Variants in EZR observed in about 807,000 individuals in gnomAD.
The protein encoded by EZR is ezrin, also known as cytovillin 2.
A neutral mutation model predicts 74.8 loss-of-function variants in EZR; 40 were observed. The ratio of observed to expected loss-of-function variants is 0.53; its 90% CI spans 0.42 to 0.70. The LOEUF (loss-of-function observed/expected upper bound fraction) is 0.70, where lower values mean the gene tolerates loss of function less well. EZR is among the 30% of genes least tolerant of loss of function. The pLI, the probability that EZR is intolerant of heterozygous loss-of-function variation, is 0.00. For synonymous variants in EZR, 341 were observed against 283.3 expected, an observed-to-expected ratio of 1.20 and a Z score of -2.05; for missense variants, 678 against 755.8, an observed-to-expected ratio of 0.90 and a Z score of 1.21.
At chr6:158,811,438 C>T (rs923679637) in intron 2 of EZR, among the ~76,000 whole-genome samples, 3 of 151,732 alleles carry the variant, frequency 2.0e-5, no homozygotes, top group African/African-American at 7.3e-5. Flanking sequence ...TATATCAAAC[C>T]ACCCTAAGAA....
chr6:158,768,508 C>G (rs1298761844), intron 12 of EZR, among the ~76,000 whole-genome samples: 2 of 152,130 alleles, frequency 1.3e-5, no homozygotes, highest in East Asian at 3.9e-4. Context: ...AAGGCACCTC[C>G]ACAGATGGAG....
Position 158,787,143 on chromosome 6 carries a change from T to C in EZR, c.157A>G (p.Lys53Glu). Residue 53 changes from lysine (K) to glutamate (E), a missense_variant, in exon 4 of 14, where the codon AAA becomes GAA. By Grantham distance (56) the Lys-to-Glu change is moderately conservative. Transcript: ENST00000367075. ...WYFGLHYVDN[K>E]GFPTWLKLDK... ...AGCTTCAGCCAGGTAGGAAATCCTT[T>C]ATTATCCACATAGTGGAGGCCAAAG... 1 of 1,613,628 alleles carries C rather than the reference T, an allele frequency of 6.2e-7. No individual in the cohort carries two copies. The highest frequency in any genetic ancestry group is 8.5e-7 in the Non-Finnish European group (1 of 1,179,532).
intron 8 of EZR, among the ~76,000 whole-genome samples, 188 bp from the exon 9 acceptor site, chr6:158,771,595 G>A (rs1306675082): frequency 1.3e-5 from 2 of 152,188 alleles, no homozygotes; most frequent in African/African-American, 4.8e-5. Context: ...CCGCGTGTGT[G>A]TGCGGTTATG....
intron 2 of EZR, among the ~76,000 whole-genome samples, chr6:158,804,070 C>T (rs1562504935): frequency 6.6e-6 from 1 of 152,150 alleles, no homozygotes; most frequent in Non-Finnish European, 1.5e-5. Context: ...CAAGCCTGCA[C>T]TGCCGAGTAA....
intron 2 of EZR, among the ~76,000 whole-genome samples, chr6:158,791,988 G>T (rs1424281746): frequency 1.3e-5 from 2 of 151,962 alleles, no homozygotes; most frequent in Non-Finnish European, 2.9e-5. Context: ...GATTACAGGC[G>T]TGAGCCACCG....
intron 7 of EZR, among the ~76,000 whole-genome samples, chr6:158,781,312 G>C (rs1791426147): frequency 1.3e-5 from 2 of 152,166 alleles, no homozygotes; most frequent in South Asian, 4.1e-4. Context: ...TTCAGGAATG[G>C]GGAGAAGAGA....
At chr6:158,786,230 C>T (rs879796421) in intron 4 of EZR, among the ~76,000 whole-genome samples, 6 of 152,022 alleles carry the variant, frequency 3.9e-5, no homozygotes, top group South Asian at 2.1e-4. Flanking sequence ...AAAAATTAGC[C>T]GGGCATGATG....
At chr6:158,802,097 G>A (rs775923624) in intron 2 of EZR, among the ~76,000 whole-genome samples, 20 of 151,720 alleles carry the variant, frequency 1.3e-4, no homozygotes, top group Non-Finnish European at 2.2e-4. Context: ...CCTTTAGATT[G>A]AAACAATCTG....
rs558483160 is a variant in EZR at position 158,776,397 on chromosome 6, T to C, written c.795+11A>G. On this transcript the variant is annotated intron_variant, in intron 8 of 13. Transcript: ENST00000367075. ...AACAGTAGCCCCTGAATAGAATCCT[T>C]TGGAACTTACAGGTGCCTTCTTGTC... 2 of 1,604,038 alleles carry C rather than the reference T, an allele frequency of 1.2e-6. No individual in the cohort carries two copies. Among genetic ancestry groups the C allele is most frequent in the African/African-American group, 2.7e-5 (2 of 74,820 alleles).
intron 2 of EZR, among the ~76,000 whole-genome samples, chr6:158,809,459 A>C (rs1225455417): frequency 6.6e-6 from 1 of 152,214 alleles, no homozygotes; most frequent in Non-Finnish European, 1.5e-5. Context: ...ATAGCTTAGC[A>C]AGTGTGACAC....
chr6:158,810,077 G>A (rs1301501439), intron 2 of EZR, among the ~76,000 whole-genome samples: 1 of 152,090 alleles, frequency 6.6e-6, no homozygotes, highest in African/African-American at 2.4e-5. Context: ...AAAAATATGA[G>A]CAAAATCTGA....
At chr6:158,815,009 G>C (rs1371559555) in intron 2 of EZR, among the ~76,000 whole-genome samples, 1 of 152,204 alleles carries the variant, frequency 6.6e-6, no homozygotes, top group Non-Finnish European at 1.5e-5. Flanking sequence ...CAGTTGCAAT[G>C]AATCAGGTGG....
At chr6:158,790,353 T>G (rs1791705609) in intron 2 of EZR, among the ~76,000 whole-genome samples, 1 of 152,192 alleles carries the variant, frequency 6.6e-6, no homozygotes, top group East Asian at 1.9e-4. Flanking sequence ...AAAATATTTC[T>G]AATGTTGCCA....
chr6:158,781,990 C>T (rs886107966), intron 7 of EZR, among the ~76,000 whole-genome samples: 4 of 152,190 alleles, frequency 2.6e-5, no homozygotes, highest in Non-Finnish European at 5.9e-5. Context: ...GACTCCTGAG[C>T]TCAAGGGATT....
chr6:158,789,255 A>T lies in EZR; in HGVS notation c.96+33T>A, dbSNP rs1205501333. 2.6e-6 allele frequency: 4 copies of T among 1,516,052 alleles called. No homozygotes were observed. The Admixed American group carries it at 5.6e-5, about 21-fold the overall frequency. 93.9% of individuals were successfully genotyped at this position (1,516,052 alleles called of 1,614,324 possible). On this transcript the variant is annotated intron_variant, in intron 3 of 13. Transcript: ENST00000367075. ...ATGTTGCAAAACAGTTTTTTTTTGT[A>T]GGTGGAGTTAACTCTCAAGTTCAGA...
intron 2 of EZR, among the ~76,000 whole-genome samples, chr6:158,817,077 T>C (rs777406497): frequency 6.6e-6 from 1 of 151,948 alleles, no homozygotes; most frequent in African/African-American, 2.4e-5. Flanking sequence ...AGAGAGAGAC[T>C]CCGCTCCCCC....
At chr6:158,778,932 T>A (rs149197647) in intron 7 of EZR, among the ~76,000 whole-genome samples, 15 of 152,208 alleles carry the variant, frequency 9.9e-5, no homozygotes, top group Admixed American at 5.2e-4. Context: ...AAAAAGTTTT[T>A]AAAAATCACA....
chr6:158,778,702 G>A (rs957236813), intron 7 of EZR, among the ~76,000 whole-genome samples: 17 of 152,188 alleles, frequency 1.1e-4, no homozygotes, highest in Non-Finnish European at 4.4e-5. Flanking sequence ...TGAACCTGGT[G>A]CATCTCGAGG....
At chr6:158,786,682 CAG>C (rs1163805064) in intron 4 of EZR, among the ~76,000 whole-genome samples, 54 of 150,578 alleles carry the variant, frequency 3.6e-4, no homozygotes, top group African/African-American at 1.2e-3. Context: ...GGATAATTTT[CAG>C]AGTTTGAAGA....
Sources: gnomAD v4.1 joint callset for allele counts (sites outside exome capture counted in the v4.1 genomes callset) on GRCh38, gnomAD v4.1.1 for gene constraint, MANE v1.5 for transcripts, NCBI Gene and HGNC (gene_info 2026-07-23, HGNC 2026-07-21) for gene names.